Variants in PHACTR1 observed in about 807,000 individuals in gnomAD.
PHACTR1 encodes RPEL repeat containing 1.
A neutral mutation model predicts 69.2 loss-of-function variants in PHACTR1; 16 were observed. That is an observed-to-expected ratio of 0.23 (90% CI 0.16 to 0.35). PHACTR1 has a LOEUF of 0.35. Among genes scored for constraint, PHACTR1 ranks in the 10% least tolerant of loss-of-function variants. PHACTR1 has a pLI of 1.00. For synonymous variants in PHACTR1, 312 were observed against 284.5 expected (o/e 1.10, Z -0.97); for missense variants, 510 against 734.7 (o/e 0.69, Z 3.54).
intron 4 of PHACTR1, among the ~76,000 whole-genome samples, chr6:12,898,253 C>G (rs1784869876): frequency 6.6e-6 from 1 of 152,172 alleles, no homozygotes; most frequent in Admixed American, 6.5e-5. Context: ...ACCATTTTCT[C>G]TTCTCTGGAA....
intron 3 of PHACTR1, among the ~76,000 whole-genome samples, chr6:12,738,414 T>G (rs1764583524): frequency 6.6e-6 from 1 of 152,202 alleles, no homozygotes; most frequent in African/African-American, 2.4e-5. Flanking sequence ...TTTAAGGCCA[T>G]GAAAATATCC....
intron 3 of PHACTR1, among the ~76,000 whole-genome samples, chr6:12,736,632 G>A (rs1484040282): frequency 2.0e-5 from 3 of 151,818 alleles, no homozygotes; most frequent in Non-Finnish European, 2.9e-5. Context: ...GTAAGGATGG[G>A]GCATCATCTC....
chr6:12,757,221 G>A (rs769077632), intron 4 of PHACTR1, among the ~76,000 whole-genome samples: 1 of 152,188 alleles, frequency 6.6e-6, no homozygotes, highest in Non-Finnish European at 1.5e-5. Flanking sequence ...CCCATATGGG[G>A]TGGGGAGCAG....
At chr6:13,060,550 G>A (rs1807520997) in intron 5 of PHACTR1, among the ~76,000 whole-genome samples, 1 of 152,142 alleles carries the variant, frequency 6.6e-6, no homozygotes, top group Admixed American at 6.6e-5. Context: ...TGAGGAGTAG[G>A]TGGGTTACAA....
At chr6:12,810,876 ACTC>A (rs1207813381) in intron 4 of PHACTR1, among the ~76,000 whole-genome samples, 1 of 151,908 alleles carries the variant, frequency 6.6e-6, no homozygotes, top group Non-Finnish European at 1.5e-5. Flanking sequence ...TCACATTCTA[ACTC>A]CTCAAGAAAG....
chr6:13,270,400 C>T (rs567252392), intron 10 of PHACTR1, among the ~76,000 whole-genome samples: 1 of 152,306 alleles, frequency 6.6e-6, no homozygotes, highest in Admixed American at 6.5e-5. Context: ...CCCCCACCCT[C>T]CTGCTTCCCA....
At chr6:13,281,418 G>A (rs1484241299) in intron 12 of PHACTR1, 2 of 310,190 alleles carry the variant, frequency 6.4e-6, no homozygotes, top group South Asian at 5.1e-5. Context: ...GCCGGACAAG[G>A]TGGCGCATAC....
intron 4 of PHACTR1, among the ~76,000 whole-genome samples, chr6:12,929,146 A>G (rs367643024): frequency 6.6e-6 from 1 of 152,304 alleles, no homozygotes; most frequent in East Asian, 1.9e-4. Context: ...ATCAACTGGC[A>G]CAGAGGAACA....
At chr6:13,088,533 A>G (rs1812686554) in intron 5 of PHACTR1, among the ~76,000 whole-genome samples, 1 of 152,156 alleles carries the variant, frequency 6.6e-6, no homozygotes, top group Non-Finnish European at 1.5e-5. Flanking sequence ...TTGAGTAATG[A>G]CTATATTTCA....
intron 4 of PHACTR1, among the ~76,000 whole-genome samples, chr6:12,834,501 G>A (rs1468446634): frequency 2.6e-5 from 4 of 152,096 alleles, no homozygotes. Context: ...AAGGGTATCA[G>A]CACATAACTT....
At chr6:13,109,296 T>C (rs9473486) in intron 5 of PHACTR1, among the ~76,000 whole-genome samples, 2 of 151,728 alleles carry the variant, frequency 1.3e-5, no homozygotes, top group South Asian at 2.1e-4. Flanking sequence ...GCCCTAAAAA[T>C]CTTCCTCTAA....
chr6:13,207,062 T>C (rs1766043316), intron 8 of PHACTR1, among the ~76,000 whole-genome samples: 1 of 151,822 alleles, frequency 6.6e-6, no homozygotes, highest in South Asian at 2.1e-4. Context: ...CACACACACA[T>C]GCATGCACAC....
intron 5 of PHACTR1, among the ~76,000 whole-genome samples, chr6:13,148,119 C>A (rs1403070779): frequency 3.7e-5 from 3 of 81,258 alleles, no homozygotes; most frequent in Non-Finnish European, 8.8e-5. Flanking sequence ...TATATGTGTT[C>A]TTTTGCCTTG....
Position 13,182,577 on chromosome 6 carries a change from C to A in PHACTR1, c.555C>A (p.Ser185Arg), listed in dbSNP as rs760255382. The A allele has an allele frequency of 6.2e-7, 1 of 1,613,766 alleles. No homozygotes were observed. The highest frequency in any genetic ancestry group is 1.1e-5 in the South Asian group (1 of 91,072). ...EDSLENGQSLSSSQLSLPALS... is the reference protein window; with the variant it reads ...EDSLENGQSLRSSQLSLPALS... The stretch of plus-strand genomic sequence containing the variant: ...CCCTAGAAAATGGGCAGTCCCTGAG[C>A]TCCAGCCAGCTGTCTCTGCCTGCCC... Residue 185 changes from serine to arginine, a missense_variant, in exon 7 of 15, where the codon AGC becomes AGA. This residue lies in a region of PHACTR1 where 419 missense variants were observed against 530.9 expected (regional missense o/e 0.79). Coordinates refer to ENST00000332995, the MANE Select transcript of PHACTR1 (RefSeq NM_030948.6).
chr6:12,854,387 G>A (rs1421186541), intron 4 of PHACTR1, among the ~76,000 whole-genome samples: 1 of 152,118 alleles, frequency 6.6e-6, no homozygotes, highest in Non-Finnish European at 1.5e-5. Flanking sequence ...TGTATTTTTG[G>A]TTGAACAACT....
At chr6:12,808,046 G>A (rs957980602) in intron 4 of PHACTR1, among the ~76,000 whole-genome samples, 17 of 152,126 alleles carry the variant, frequency 1.1e-4, no homozygotes, top group Non-Finnish European at 2.2e-4. Flanking sequence ...GACCTAATGA[G>A]TCCACCTAAT....
chr6:13,237,622 A>C (rs1373944427), intron 10 of PHACTR1, among the ~76,000 whole-genome samples: 1 of 152,248 alleles, frequency 6.6e-6, no homozygotes, highest in Non-Finnish European at 1.5e-5. Context: ...GTAGCAATTT[A>C]AAATTAGCAT....
intron 7 of PHACTR1, among the ~76,000 whole-genome samples, chr6:13,197,430 C>T (rs149796604): frequency 2.6e-4 from 39 of 152,254 alleles, no homozygotes; most frequent in Non-Finnish European, 4.1e-4. Context: ...GGGCAATACT[C>T]CCTTTCTACA....
At chr6:12,897,546 C>T (rs1245792420) in intron 4 of PHACTR1, among the ~76,000 whole-genome samples, 1 of 152,146 alleles carries the variant, frequency 6.6e-6, no homozygotes, top group African/African-American at 2.4e-5. Flanking sequence ...TACTCTGGCA[C>T]ACACAGACTT....
Sources: allele counts gnomAD v4.1 joint callset (sites outside exome capture counted in the v4.1 genomes callset), GRCh38; gene constraint gnomAD v4.1.1; regional missense constraint gnomAD v4.1.1; transcripts MANE v1.5; gene names NCBI Gene and HGNC (gene_info 2026-07-23, HGNC 2026-07-21).